Variants in C10orf105 observed in about 807,000 individuals in gnomAD.
C10orf105 encodes the protein uncharacterized protein C10orf105.
C10orf105 carries 2 observed loss-of-function variants against 0.6 expected under a neutral mutation model. The ratio of observed to expected loss-of-function variants is 3.18; its 90% CI spans 1.30 to 10.01. The LOEUF (loss-of-function observed/expected upper bound fraction) is 10.01, where lower values mean the gene tolerates loss of function less well. Ranked by LOEUF, C10orf105 falls within the 30% of genes most tolerant of loss-of-function variation. The pLI, the probability that C10orf105 is intolerant of heterozygous loss-of-function variation, is 0.04. For synonymous variants in C10orf105, 95 were observed against 82.4 expected (o/e 1.15, Z -0.83); for missense variants, 209 against 191.4 (o/e 1.09, Z -0.54).
Position 71,716,238 on chromosome 10 carries a change from C to T in C10orf105, c.100G>A (p.Asp34Asn), listed in dbSNP as rs1342225145. 4 of 1,549,916 alleles carry T rather than the reference C, an allele frequency of 2.6e-6. No individual in the cohort carries two copies. Among genetic ancestry groups the T allele is most frequent in the Middle Eastern group, 1.7e-4 (1 of 5,902 alleles). Residue 34 changes from aspartate (D) to asparagine (N), a missense_variant, in exon 2 of 2, where the codon GAC becomes AAC. Asp to Asn is a conservative substitution (Grantham distance 23). Transcript: ENST00000441508. ...AGGGCGATGAGCATGGGGAGGGGGT[C>T]AGTTGCCTCTGCAAGGGTCCCGGGA... is the stretch of plus-strand genomic sequence containing the variant. The part of the protein sequence containing the change: ...VTPGTLAEAT[D>N]PLPMLIALAC...
intron 1 of C10orf105, among the ~76,000 whole-genome samples, chr10:71,731,807 C>T (rs1839397692): frequency 6.6e-6 from 1 of 152,192 alleles, no homozygotes; most frequent in South Asian, 2.1e-4. Flanking sequence ...TGGACCTTGC[C>T]ATCCACATTG....
chr10:71,715,700 AC>A lies in C10orf105; in HGVS notation c.*235del. On this transcript the variant is annotated 3_prime_UTR_variant, in exon 2 of 2. Transcript: ENST00000441508. ...GATGACCACGAGTGCACATCTCTTG[AC>A]CAGAAGTCTTTCATCAAGCAGCAGC... is the stretch of plus-strand genomic sequence containing the variant. The A allele has an allele frequency of 2.5e-6, 1 of 400,766 alleles. No individual in the cohort carries two copies. Among genetic ancestry groups the A allele is most frequent in the Admixed American group, 4.1e-5 (1 of 24,312 alleles). The allele number at this position is 400,766 out of a possible 1,614,324, so 24.8% of individuals were successfully genotyped here.
rs1048049423 is a variant in C10orf105, at chr10:71,716,347, A to G, written c.-5-5T>C. 9.3e-5 allele frequency: 136 copies of G among 1,465,028 alleles called. No individual in the cohort carries two copies. The highest frequency in any genetic ancestry group is 1.2e-4 in the Non-Finnish European group (132 of 1,103,948). 90.8% of individuals were successfully genotyped at this position (1,465,028 alleles called of 1,614,324 possible). On this transcript the variant is annotated splice_region_variant and splice_polypyrimidine_tract_variant and intron_variant, in intron 1 of 1. Transcript: ENST00000441508. ...GGCCCTCTGTGCTCATGGCTCCTGCAACAGCAACAAGACAGAAGCTCAAAG... is the reference window on the plus strand; with the variant it reads ...GGCCCTCTGTGCTCATGGCTCCTGCGACAGCAACAAGACAGAAGCTCAAAG...
chr10:71,730,339 G>A (rs1564762535), intron 1 of C10orf105: 4 of 1,166,194 alleles, frequency 3.4e-6, no homozygotes, highest in East Asian at 5.2e-5. Context: ...GACAGGCCTG[G>A]GGTCCTAGAG....
rs966023289 is a variant in C10orf105 at position 71,737,762 on chromosome 10, G to A, written c.-40C>T. On this transcript the variant is annotated 5_prime_UTR_variant, in exon 1 of 2. Coordinates refer to the C10orf105 transcript ENST00000398786. ...CAGCCGCAGTGGCCTGTGGCCGTCCGTGGACTGGAGGCCTCACCCGCGGCA... is the reference window on the plus strand; with the variant it reads ...CAGCCGCAGTGGCCTGTGGCCGTCCATGGACTGGAGGCCTCACCCGCGGCA... The A allele has an allele frequency of 3.0e-5, 14 of 470,238 alleles. 1 individual carries two copies. Among genetic ancestry groups the A allele is most frequent in the African/African-American group, 1.8e-4 (9 of 50,078 alleles). 29.1% of individuals were successfully genotyped at this position (470,238 alleles called of 1,614,324 possible).
chr10:71,721,576 G>C (rs1347338201), upstream of C10orf105, among the ~76,000 whole-genome samples: 1 of 152,170 alleles, frequency 6.6e-6, no homozygotes, highest in Admixed American at 6.5e-5. Context: ...ATTCATGCTT[G>C]GGTGTGCCTG....
rs551955254 is a variant in C10orf105, at chr10:71,725,257, C to A, written c.-5-8915G>T. 69 of 1,517,730 alleles carry A rather than the reference C, an allele frequency of 4.5e-5. No individual in the cohort carries two copies. In the African/African-American group the frequency reaches 7.9e-4, roughly 17 times the overall value. 94.0% of individuals were successfully genotyped at this position (1,517,730 alleles called of 1,614,324 possible). A position where few individuals can be genotyped will look rare whatever the true frequency, so the allele number is the denominator to read the frequency against. ...TGAATTCTGTGTCCCAGAAGACCCG[C>A]AGCCTCCTCACAAGGAGGGGACTGG... is the stretch of plus-strand genomic sequence containing the variant. On this transcript the variant is annotated intron_variant, in intron 1 of 1. Transcript: ENST00000398786.
chr10:71,726,478 C>T (rs1866817806), intron 1 of C10orf105, among the ~76,000 whole-genome samples: 1 of 152,204 alleles, frequency 6.6e-6, no homozygotes, highest in Non-Finnish European at 1.5e-5. Flanking sequence ...GACCCAGCTC[C>T]TGCTGACACC....
chr10:71,725,278 A>C, intron 1 of C10orf105: 2 of 1,558,212 alleles, frequency 1.3e-6, no homozygotes, highest in Non-Finnish European at 1.8e-6. Flanking sequence ...CAAGGAGGGG[A>C]CTGGTGAACT....
At chr10:71,737,769 G>A (rs2132839931) in exon 1 of C10orf105, 1 of 470,182 alleles carries the variant, frequency 2.1e-6, no homozygotes, top group East Asian at 6.9e-5. Flanking sequence ...TCCGTGGACT[G>A]GAGGCCTCAC....
At chr10:71,723,628 G>C (rs1866666473), upstream of C10orf105, among the ~76,000 whole-genome samples, 1 of 152,190 alleles carries the variant, frequency 6.6e-6, no homozygotes, top group Non-Finnish European at 1.5e-5. Flanking sequence ...TTCAGGCCAA[G>C]GAAATGCGGG....
chr10:71,736,340 G>A (rs1259751292), intron 1 of C10orf105, among the ~76,000 whole-genome samples: 4 of 152,172 alleles, frequency 2.6e-5, no homozygotes, highest in Non-Finnish European at 5.9e-5. Context: ...GCCCTTTAAA[G>A]GTGGAAACAT....
chr10:71,731,311 A>G (rs1208160417), intron 1 of C10orf105, among the ~76,000 whole-genome samples: 1 of 151,920 alleles, frequency 6.6e-6, no homozygotes, highest in Non-Finnish European at 1.5e-5. Context: ...GTGGCTCCCA[A>G]CTCCTCTCTC....
In C10orf105 at chr10:71,716,227, G is replaced by A. The variant is rs1251546239; in HGVS notation, c.111C>T (p.Pro37=). The change falls in exon 2 of 2, where the codon CCC becomes CCT. Residue 37 remains proline, a synonymous_variant. Transcript: ENST00000441508. The part of the protein sequence containing the change: ...GTLAEATDPL[P]MLIALACIFL... ...AGATGCAGGCCAGGGCGATGAGCAT[G>A]GGGAGGGGGTCAGTTGCCTCTGCAA... 6.4e-7 allele frequency: 1 copy of A among 1,550,734 alleles called. No homozygotes were observed. The highest frequency in any genetic ancestry group is 2.0e-5 in the Admixed American group (1 of 50,920).
At chr10:71,732,375 G>A (rs765658825) in intron 1 of C10orf105, 9 of 1,559,016 alleles carry the variant, frequency 5.8e-6, no homozygotes, top group African/African-American at 1.4e-5. Context: ...ACGCCATCAC[G>A]GTGAGGGGCT....
At chr10:71,726,067 C>G (rs1434180354) in intron 1 of C10orf105, among the ~76,000 whole-genome samples, 3 of 152,174 alleles carry the variant, frequency 2.0e-5, no homozygotes, top group African/African-American at 7.2e-5. Context: ...AAAATCAAAT[C>G]AGCCTTAGTC....
chr10:71,735,760 G>A lies in C10orf105; in HGVS notation c.-6+1968C>T, dbSNP rs12265843. The stretch of plus-strand genomic sequence containing the variant: ...AGTTCTAGCGGCACTGGTTGTGGCT[G>A]GGCCATACCTAAAGGCCCCCTCCAT... On this transcript the variant is annotated intron_variant, in intron 1 of 1. Transcript: ENST00000398786. Among the ~76,000 whole-genome samples the A allele has an allele frequency of 5.4e-3, 821 of 152,322 alleles. 5 individuals are homozygous for A. The highest frequency in any genetic ancestry group is 0.019 in the African/African-American group (792 of 41,566).
intron 1 of C10orf105, among the ~76,000 whole-genome samples, chr10:71,737,462 G>C (rs1839598259): frequency 6.6e-6 from 1 of 152,194 alleles, no homozygotes. Context: ...TACAGATAGG[G>C]GAGTGTGGCT....
chr10:71,713,447 G>T lies in C10orf105; in HGVS notation c.*2489C>A. ...CGACTCGGAGGCTGAGCCAAACAGGGAATCTGGGCCTGCCCACTGGGGCAG... is the reference window on the plus strand; with the variant it reads ...CGACTCGGAGGCTGAGCCAAACAGGTAATCTGGGCCTGCCCACTGGGGCAG... On this transcript the variant is annotated 3_prime_UTR_variant, in exon 2 of 2. Transcript: ENST00000441508. 1 of 596,356 alleles carries T rather than the reference G, an allele frequency of 1.7e-6. No individual in the cohort carries two copies. The highest frequency in any genetic ancestry group is 2.0e-5 in the South Asian group (1 of 50,040). The allele number at this position is 596,356 out of a possible 1,614,324, so 36.9% of individuals were successfully genotyped here.
Sources: allele counts gnomAD v4.1 joint callset (sites outside exome capture counted in the v4.1 genomes callset), GRCh38; gene constraint gnomAD v4.1.1; transcripts MANE v1.5; gene names NCBI Gene and HGNC (gene_info 2026-07-23, HGNC 2026-07-21).